Variants in TMTC2 observed in about 807,000 individuals in gnomAD.
The protein encoded by TMTC2 is protein O-mannosyl-transferase TMTC2.
Under a neutral mutation model 82.4 loss-of-function variants are expected in TMTC2, and 43 were observed. The observed-to-expected ratio is 0.52, with a 90% CI of 0.41 to 0.67. The LOEUF is 0.67. Ranked by LOEUF, TMTC2 falls within the 30% of genes least tolerant of loss-of-function variation. TMTC2 has a pLI of 0.00. For missense variants in TMTC2, 919 were observed against 1,012.4 expected (o/e 0.91, Z 1.25); for synonymous variants, 408 against 381.9 (o/e 1.07, Z -0.80).
rs1278622868 is a variant in TMTC2 at position 82,937,782 on chromosome 12, A to G, written c.1598+7237A>G. Reference sequence around the variant, plus strand: ...TATATATATATATATATATATATATATATATATATATATACACACATATAT... The same window carrying G: ...TATATATATATATATATATATATATGTATATATATATATACACACATATAT... On this transcript the variant is annotated intron_variant, in intron 4 of 11. Transcript: ENST00000321196. Among the ~76,000 whole-genome samples the G allele has an allele frequency of 1.4e-3, 31 of 21,974 alleles. 1 individual carries two copies. The highest frequency in any genetic ancestry group is 4.0e-3 in the African/African-American group (31 of 7,712). 14.4% of individuals were successfully genotyped at this position (21,974 alleles called of 152,430 possible).
At chr12:82,937,764 A>ATATATATATGTGTG (rs1565818294) in intron 4 of TMTC2, among the ~76,000 whole-genome samples, 6 of 18,682 alleles carry the variant, frequency 3.2e-4, no homozygotes, top group African/African-American at 1.2e-3. Flanking sequence ...ATATATATAT[A>ATATATATATGTGTG]TATATATATA....
intron 3 of TMTC2, among the ~76,000 whole-genome samples, chr12:82,907,524 C>G (rs567857464): frequency 6.6e-6 from 1 of 151,620 alleles, no homozygotes; most frequent in South Asian, 2.1e-4. Context: ...TGTTGTCTGA[C>G]TCTAATGATT....
chr12:82,978,461 A>ATG (rs1376167055), intron 7 of TMTC2, among the ~76,000 whole-genome samples: 2 of 151,622 alleles, frequency 1.3e-5, no homozygotes, highest in East Asian at 3.8e-4. Flanking sequence ...CTATTTTGGT[A>ATG]TATATGTTTA....
chr12:82,914,817 A>ATTTTT (rs71068958), intron 3 of TMTC2, among the ~76,000 whole-genome samples: 50 of 86,422 alleles, frequency 5.8e-4, no homozygotes, highest in Non-Finnish European at 7.2e-4. Context: ...CAACTCACTT[A>ATTTTT]TTTTTTTTTT....
At chr12:83,083,081 C>T (rs1191949300) in intron 11 of TMTC2, among the ~76,000 whole-genome samples, 3 of 152,192 alleles carry the variant, frequency 2.0e-5, no homozygotes, top group South Asian at 4.1e-4. Flanking sequence ...TGATAATTAA[C>T]TCAGAGGGCT....
At chr12:83,077,599 G>C (rs899454187) in intron 11 of TMTC2, among the ~76,000 whole-genome samples, 1 of 151,352 alleles carries the variant, frequency 6.6e-6, no homozygotes, top group Non-Finnish European at 1.5e-5. Context: ...TTTTGAAACA[G>C]AGTCTCACTC....
intron 1 of TMTC2, among the ~76,000 whole-genome samples, chr12:82,694,639 A>T (rs1872713094): frequency 6.6e-6 from 1 of 152,234 alleles, no homozygotes; most frequent in Admixed American, 6.5e-5. Context: ...TCTGAAATGA[A>T]ACACACATTA....
intron 1 of TMTC2, among the ~76,000 whole-genome samples, chr12:82,845,098 G>A (rs1870566439): frequency 6.7e-6 from 1 of 149,752 alleles, no homozygotes; most frequent in Non-Finnish European, 1.5e-5. Flanking sequence ...GCGTAGTGGC[G>A]GGCGCCTGTA....
At chr12:83,052,329 G>A (rs1882383443) in intron 10 of TMTC2, among the ~76,000 whole-genome samples, 1 of 152,062 alleles carries the variant, frequency 6.6e-6, no homozygotes, top group Non-Finnish European at 1.5e-5. Context: ...CAACATTCAT[G>A]TTAGCATCCC....
chr12:83,001,244 C>T lies in TMTC2; in HGVS notation c.2070+15198C>T, dbSNP rs1164715221. On this transcript the variant is annotated intron_variant, in intron 8 of 11. Coordinates refer to ENST00000321196, the MANE Select transcript of TMTC2 (RefSeq NM_152588.3). ...TTTCTTTTCTATTGCATTGTTAGCT[C>T]GCAAATTTTCCAAACTTTTACGCTC... 2.0e-5 allele frequency among the ~76,000 whole-genome samples: 3 copies of T among 152,092 alleles called. No homozygotes were observed. In the South Asian group the frequency reaches 6.2e-4, roughly 32 times the overall value.
intron 1 of TMTC2, among the ~76,000 whole-genome samples, chr12:82,720,721 T>C (rs1478908131): frequency 6.6e-6 from 1 of 152,228 alleles, no homozygotes; most frequent in Non-Finnish European, 1.5e-5. Context: ...TCACCAGCGC[T>C]TGTTGTTATC....
chr12:83,010,806 G>T (rs1880421108), intron 8 of TMTC2, among the ~76,000 whole-genome samples: 1 of 145,846 alleles, frequency 6.9e-6, no homozygotes, highest in South Asian at 2.4e-4. Context: ...ATTGTATGTA[G>T]TAAACGCTTG....
chr12:82,822,205 G>A (rs1030510227), intron 1 of TMTC2, among the ~76,000 whole-genome samples: 12 of 152,158 alleles, frequency 7.9e-5, no homozygotes, highest in African/African-American at 2.9e-4. Flanking sequence ...TAGGGCAGTG[G>A]AACTACTCTG....
intron 2 of TMTC2, among the ~76,000 whole-genome samples, chr12:82,885,863 A>ACTGT (rs1873072721): frequency 6.6e-6 from 1 of 152,170 alleles, no homozygotes; most frequent in South Asian, 2.1e-4. Context: ...ACCAGTTCAT[A>ACTGT]CTGTGCCTTT....
intron 1 of TMTC2, among the ~76,000 whole-genome samples, chr12:82,727,000 T>G (rs1424910793): frequency 6.6e-6 from 1 of 152,054 alleles, no homozygotes; most frequent in Non-Finnish European, 1.5e-5. Flanking sequence ...AAAGCCCCTT[T>G]TCTTTCCTGA....
chr12:82,973,616 C>T (rs1878540650), intron 7 of TMTC2, among the ~76,000 whole-genome samples: 1 of 152,132 alleles, frequency 6.6e-6, no homozygotes, highest in African/African-American at 2.4e-5. Flanking sequence ...ATAAACTCTA[C>T]ATTATGTACT....
At chr12:83,041,387 G>C (rs1288112532) in intron 9 of TMTC2, among the ~76,000 whole-genome samples, 1 of 152,190 alleles carries the variant, frequency 6.6e-6, no homozygotes, top group Non-Finnish European at 1.5e-5. Flanking sequence ...TCATAATCTA[G>C]AGAGGATTAC....
intron 11 of TMTC2, among the ~76,000 whole-genome samples, chr12:83,105,558 A>T (rs529447903): frequency 6.6e-6 from 1 of 152,216 alleles, no homozygotes; most frequent in East Asian, 1.9e-4. Context: ...GGAAAGAGTG[A>T]GGGGGAGGTG....
chr12:83,112,059 T>A (rs1207407788), intron 11 of TMTC2, among the ~76,000 whole-genome samples: 1 of 151,966 alleles, frequency 6.6e-6, no homozygotes, highest in Non-Finnish European at 1.5e-5. Flanking sequence ...TGAGCCAAGA[T>A]CACACCACTG....
Sources: allele counts gnomAD v4.1 joint callset (sites outside exome capture counted in the v4.1 genomes callset), GRCh38; gene constraint gnomAD v4.1.1; transcripts MANE v1.5; gene names NCBI Gene and HGNC (gene_info 2026-07-23, HGNC 2026-07-21).